CEACAM16: variants seen among roughly 807,000 people sequenced by gnomAD.
CEACAM16 encodes cell adhesion molecule CEACAM16.
CEACAM16 carries 30 observed loss-of-function variants against 39.4 expected under a neutral mutation model. That is an observed-to-expected ratio of 0.76 (90% CI 0.57 to 1.03). The LOEUF is 1.03. Ranked by LOEUF, CEACAM16 falls within the 50% of genes least tolerant of loss-of-function variation. The pLI, the probability that CEACAM16 is intolerant of heterozygous loss-of-function variation, is 0.00. For missense variants in CEACAM16, 521 were observed against 585.3 expected (o/e 0.89, Z 1.13); for synonymous variants, 262 against 264.9 (o/e 0.99, Z 0.11).
At chr19:44,703,942 C>A in intron 3 of CEACAM16, 76 bp from the exon 4 acceptor site, 1 of 1,462,044 alleles carries the variant, frequency 6.8e-7, no homozygotes, top group Non-Finnish European at 9.2e-7. Context: ...CCGGCCATGC[C>A]CCTTGTTGGG....
In CEACAM16 at chr19:44,707,974, C is replaced by T. The variant is rs747961516; in HGVS notation, c.1054C>T (p.Arg352Cys). The T allele has an allele frequency of 5.6e-6, 9 of 1,603,858 alleles. No homozygotes were observed. Among genetic ancestry groups the T allele is most frequent in the African/African-American group, 2.7e-5 (2 of 74,734 alleles). Residue 352 changes from arginine to cysteine, a missense_variant, in exon 6 of 7, where the codon CGC becomes TGC. Transcript: ENST00000587331. ...PKDLLVYAWYRGPASEPNRLL... is the reference protein window; with the variant it reads ...PKDLLVYAWYCGPASEPNRLL... Reference sequence around the variant, plus strand: ...GGACCTGCTGGTCTACGCCTGGTACCGCGGGCCTGCCTCCGAGCCCAACCG... The same window carrying T: ...GGACCTGCTGGTCTACGCCTGGTACTGCGGGCCTGCCTCCGAGCCCAACCG...
At chr19:44,704,967 G>A (rs572339577) in intron 4 of CEACAM16, among the ~76,000 whole-genome samples, 46 of 152,240 alleles carry the variant, frequency 3.0e-4, no homozygotes, top group Non-Finnish European at 4.7e-4. Flanking sequence ...GCATGCAGTC[G>A]TTCCCAGGAG....
chr19:44,703,301 G>A (rs376203152), intron 2 of CEACAM16, 48 bp from the exon 3 acceptor site: 81 of 1,525,246 alleles, frequency 5.3e-5, no homozygotes, highest in Non-Finnish European at 6.9e-5. Flanking sequence ...CAAATGGGGC[G>A]ATTGATCAAA....
At chr19:44,706,745 C>G (rs1055674213) in intron 5 of CEACAM16, among the ~76,000 whole-genome samples, 4 of 152,218 alleles carry the variant, frequency 2.6e-5, no homozygotes, top group African/African-American at 9.6e-5. Context: ...CAAGCCCTGT[C>G]TGTGCAGTCC....
In CEACAM16 at chr19:44,708,206, G is replaced by A. The variant is rs374925634; in HGVS notation, c.1267+19G>A. The A allele has an allele frequency of 1.2e-5, 19 of 1,522,460 alleles. No individual in the cohort carries two copies. In the African/African-American group the frequency reaches 1.9e-4, roughly 15 times the overall value. 94.3% of individuals were successfully genotyped at this position (1,522,460 alleles called of 1,614,324 possible). ...GTGGCCCGTGAGTGTGTGGGAAGGG[G>A]CAAGGCGTGCCCCTTTTTAGACAAG... On this transcript the variant is annotated intron_variant, in intron 6 of 6. Transcript: ENST00000587331.
chr19:44,704,757 AAAAAC>A (rs1220727202), intron 4 of CEACAM16, among the ~76,000 whole-genome samples: 2 of 87,618 alleles, frequency 2.3e-5, no homozygotes, highest in Non-Finnish European at 5.1e-5. Flanking sequence ...ACAAACAAAA[AAAAAC>A]AACAACAACA....
In CEACAM16 at chr19:44,703,457, T is replaced by A. The variant is rs1430870447; in HGVS notation, c.146T>A (p.Leu49His). The A allele has an allele frequency of 6.2e-7, 1 of 1,613,828 alleles. No individual in the cohort carries two copies. The highest frequency in any genetic ancestry group is 1.1e-5 in the South Asian group (1 of 91,086). Residue 49 changes from leucine to histidine, a missense_variant, in exon 3 of 7, where the codon CTC becomes CAC. Leu to His is a moderately conservative substitution (Grantham distance 99). Coordinates refer to ENST00000587331, the MANE Select transcript of CEACAM16 (RefSeq NM_001039213.4). Reference protein sequence around the residue: ...LVVHGLSGELLAYSWYAGPTL... With the variant: ...LVVHGLSGELHAYSWYAGPTL... ...GTCCATGGGCTTTCGGGGGAACTGC[T>A]CGCCTACAGCTGGTATGCGGGGCCC...
At chr19:44,710,027 T>C (rs1974513674) in intron 6 of CEACAM16, among the ~76,000 whole-genome samples, 1 of 152,358 alleles carries the variant, frequency 6.6e-6, no homozygotes, top group Non-Finnish European at 1.5e-5. Context: ...TCTCAGACAC[T>C]GGGGATGAGA....
At chr19:44,706,852 T>C (rs1207184453) in intron 5 of CEACAM16, among the ~76,000 whole-genome samples, 1 of 152,162 alleles carries the variant, frequency 6.6e-6, no homozygotes, top group Non-Finnish European at 1.5e-5. Context: ...TGGCAGGTGC[T>C]GGGAGAGACA....
At chr19:44,704,347 T>G (rs1281754649) in intron 4 of CEACAM16, 51 bp downstream of exon 4, 2 of 1,440,352 alleles carry the variant, frequency 1.4e-6, no homozygotes, top group African/African-American at 2.8e-5. Context: ...ACCTCATGGA[T>G]GGGGAAACTG....
At chr19:44,700,989 A>T (rs1974335845) in intron 1 of CEACAM16, among the ~76,000 whole-genome samples, 1 of 152,132 alleles carries the variant, frequency 6.6e-6, no homozygotes, top group Non-Finnish European at 1.5e-5. Context: ...CGCTGAGACA[A>T]CACCTGTAGG....
intron 1 of CEACAM16, among the ~76,000 whole-genome samples, chr19:44,700,285 G>A (rs776400882): frequency 8.6e-5 from 13 of 151,882 alleles, no homozygotes; most frequent in South Asian, 4.2e-4. Context: ...GATTACAGGC[G>A]TTAGCCACCA....
At chr19:44,703,002 A>G (rs1974373901) in intron 2 of CEACAM16, among the ~76,000 whole-genome samples, 1 of 152,192 alleles carries the variant, frequency 6.6e-6, no homozygotes, top group Admixed American at 6.5e-5. Context: ...TCTGACTAAC[A>G]TGTATTGGGC....
chr19:44,699,512 G>A (rs752137120), intron 1 of CEACAM16: 40 of 434,744 alleles, frequency 9.2e-5, no homozygotes, highest in Middle Eastern at 7.7e-4. Flanking sequence ...AAGTAGCTGG[G>A]ATTACAGGTG....
In CEACAM16 at chr19:44,701,372, G is replaced by A; in HGVS notation, c.-85G>A. On this transcript the variant is annotated 5_prime_UTR_variant, in exon 2 of 7. Transcript: ENST00000587331. The surrounding 1 kb of genome is among the most constrained non-coding windows in gnomAD (Gnocchi z 4.0). ...CCAAACCCTCCCAGGTCCTGCGGCA[G>A]ACGGAGCCGAGCCCCAACCAGGAAG... The A allele has an allele frequency of 7.0e-7, 1 of 1,425,350 alleles. No individual in the cohort carries two copies. The highest frequency in any genetic ancestry group is 1.2e-5 in the South Asian group (1 of 81,526). 88.3% of individuals were successfully genotyped at this position (1,425,350 alleles called of 1,614,324 possible). A position where few individuals can be genotyped will look rare whatever the true frequency, so the allele number is the denominator to read the frequency against.
intron 6 of CEACAM16, among the ~76,000 whole-genome samples, chr19:44,710,257 G>A (rs764502706): frequency 6.6e-6 from 1 of 152,298 alleles, no homozygotes; most frequent in East Asian, 1.9e-4. Flanking sequence ...AGGCCACCCC[G>A]GCAAAGCCTT....
chr19:44,701,696 T>C lies in CEACAM16; in HGVS notation c.37+203T>C, dbSNP rs1974349978. On this transcript the variant is annotated intron_variant, in intron 2 of 6. Coordinates refer to ENST00000587331, the MANE Select transcript of CEACAM16 (RefSeq NM_001039213.4). The surrounding 1 kb of genome is among the most constrained non-coding windows in gnomAD (Gnocchi z 4.0). ...TGGGGACAGCCACCCAGAGAGGTTT[T>C]CAGGGTGGGCTTTGGAGATTTCTAA... Among the ~76,000 whole-genome samples the C allele has an allele frequency of 6.6e-6, 1 of 152,212 alleles. No individual in the cohort carries two copies.
At chr19:44,709,845 T>G (rs111457833) in intron 6 of CEACAM16, among the ~76,000 whole-genome samples, 2 of 146,648 alleles carry the variant, frequency 1.4e-5, no homozygotes, top group African/African-American at 2.6e-5. Flanking sequence ...GCTCCCAGAG[T>G]CAGGGACCAT....
At chr19:44,707,275 A>G (rs1974463615) in intron 5 of CEACAM16, among the ~76,000 whole-genome samples, 1 of 152,046 alleles carries the variant, frequency 6.6e-6, no homozygotes, top group African/African-American at 2.4e-5. Context: ...TTTCCCTCTA[A>G]CTTCCAGGGT....
Sources: allele counts gnomAD v4.1 joint callset (sites outside exome capture counted in the v4.1 genomes callset), GRCh38; gene constraint gnomAD v4.1.1; non-coding constraint Gnocchi (gnomAD v3.1); transcripts MANE v1.5; gene names NCBI Gene and HGNC (gene_info 2026-07-23, HGNC 2026-07-21).